Variants in CELF1 observed in about 807,000 individuals in gnomAD.
CELF1 encodes 50 kDa nuclear polyadenylated RNA-binding protein.
Under a neutral mutation model 61.8 loss-of-function variants are expected in CELF1, and 10 were observed. The observed-to-expected ratio is 0.16, with a 90% confidence interval of 0.10 to 0.27. CELF1 has a LOEUF of 0.27. CELF1 is among the 10% of genes least tolerant of loss of function. The pLI, the probability that CELF1 is intolerant of heterozygous loss-of-function variation, is 1.00. For synonymous variants in CELF1, 236 were observed against 225.1 expected, an observed-to-expected ratio of 1.05 and a Z score of -0.43; for missense variants, 380 against 639.1, an observed-to-expected ratio of 0.59 and a Z score of 4.37.
chr11:47,519,182 T>C (rs1484431250), intron 1 of CELF1, among the ~76,000 whole-genome samples: 3 of 152,088 alleles, frequency 2.0e-5, no homozygotes, highest in African/African-American at 7.2e-5. Context: ...TCTATTCTAT[T>C]CTATTATCAC....
At position 47,500,925 on chromosome 11, in the gene CELF1, T is replaced by C; in HGVS notation, c.-146A>G. The stretch of plus-strand genomic sequence containing the variant: ...AGGGAACTTTGAAAAAAAGAAGTTA[T>C]GTTCAGCCTGCAAAGAAGTAAAACG... On this transcript the variant is annotated 5_prime_UTR_variant, in exon 2 of 15. Transcript: ENST00000687097. 1 of 398,196 alleles carries C rather than the reference T, an allele frequency of 2.5e-6. No individual in the cohort carries two copies. The allele number at this position is 398,196 out of a possible 1,614,324, so 24.7% of individuals were successfully genotyped here.
At chr11:47,509,872 CA>C (rs2094924770) in intron 1 of CELF1, among the ~76,000 whole-genome samples, 1 of 124,374 alleles carries the variant, frequency 8.0e-6, no homozygotes. Flanking sequence ...ACTAAAAACA[CA>C]AAAATTAGCT....
chr11:47,518,008 T>A (rs1014333261), intron 1 of CELF1, among the ~76,000 whole-genome samples: 3 of 151,998 alleles, frequency 2.0e-5, no homozygotes, highest in African/African-American at 4.8e-5. Context: ...AGACACCGTA[T>A]CCCCTTGTCC....
At chr11:47,519,223 T>C (rs1186375478) in intron 1 of CELF1, among the ~76,000 whole-genome samples, 2 of 152,202 alleles carry the variant, frequency 1.3e-5, no homozygotes, top group Non-Finnish European at 2.9e-5. Context: ...GGCTGGCCTG[T>C]AATCCCAGCA....
At chr11:47,473,324 G>A in intron 13 of CELF1, 93 bp from the exon 14 acceptor site, 1 of 1,183,212 alleles carries the variant, frequency 8.5e-7, no homozygotes, top group Non-Finnish European at 1.2e-6. Flanking sequence ...TGTTAAAACT[G>A]TCACAATCCC....
At chr11:47,537,074 C>T (rs1826479601) in intron 1 of CELF1, among the ~76,000 whole-genome samples, 1 of 152,022 alleles carries the variant, frequency 6.6e-6, no homozygotes, top group Admixed American at 6.6e-5. Flanking sequence ...TGTCTTGGCC[C>T]AGAAAGGCAA....
intron 9 of CELF1, among the ~76,000 whole-genome samples, chr11:47,480,846 C>T (rs186575236): frequency 1.3e-5 from 2 of 152,190 alleles, no homozygotes; most frequent in East Asian, 3.9e-4. Flanking sequence ...ACCAGCCTGG[C>T]TCACATAAGC....
At chr11:47,478,210 A>G (rs2081136132) in intron 10 of CELF1, among the ~76,000 whole-genome samples, 1 of 152,272 alleles carries the variant, frequency 6.6e-6, no homozygotes, top group African/African-American at 2.4e-5. Flanking sequence ...AAAAATTTTC[A>G]AAGAGCAAAA....
chr11:47,479,329 C>T (rs1310775436), intron 9 of CELF1, among the ~76,000 whole-genome samples: 1 of 152,210 alleles, frequency 6.6e-6, no homozygotes, highest in Non-Finnish European at 1.5e-5. Flanking sequence ...TACCCTCTCC[C>T]AAGTTCTCCT....
chr11:47,532,836 T>G (rs1257078392), intron 1 of CELF1, among the ~76,000 whole-genome samples: 1 of 152,222 alleles, frequency 6.6e-6, no homozygotes, highest in African/African-American at 2.4e-5. Flanking sequence ...TTAGGCAGCT[T>G]TTTAAAGCTT....
intron 5 of CELF1, 61 bp downstream of exon 5, chr11:47,487,098 G>GT: frequency 1.0e-5 from 13 of 1,293,842 alleles, no homozygotes; most frequent in Non-Finnish European, 1.4e-5. Flanking sequence ...TCTGATATGT[G>GT]TAAGTATATC....
At chr11:47,479,851 ATCCT>A (rs1186894585) in intron 9 of CELF1, among the ~76,000 whole-genome samples, 1 of 152,084 alleles carries the variant, frequency 6.6e-6, no homozygotes, top group Admixed American at 6.6e-5. Context: ...GTCGCCGCAA[ATCCT>A]TCCAGGCTAG....
chr11:47,496,569 A>T (rs2093136345), intron 3 of CELF1, among the ~76,000 whole-genome samples: 1 of 152,142 alleles, frequency 6.6e-6, no homozygotes, highest in Non-Finnish European at 1.5e-5. Flanking sequence ...GGCTAATATG[A>T]TTTTACTTTA....
chr11:47,509,547 T>C (rs1597390812), intron 1 of CELF1, among the ~76,000 whole-genome samples: 1 of 151,956 alleles, frequency 6.6e-6, no homozygotes, highest in Non-Finnish European at 1.5e-5. Context: ...CAGTGAGACC[T>C]TGTCTCCCCA....
chr11:47,526,739 CTTGATTA>C (rs1433271659), intron 1 of CELF1, among the ~76,000 whole-genome samples: 3 of 152,124 alleles, frequency 2.0e-5, no homozygotes, highest in Non-Finnish European at 2.9e-5. Flanking sequence ...CTATGAGATC[CTTGATTA>C]TAAAACACTG....
intron 3 of CELF1, among the ~76,000 whole-genome samples, chr11:47,496,645 G>A (rs1408032231): frequency 6.6e-6 from 1 of 152,170 alleles, no homozygotes; most frequent in African/African-American, 2.4e-5. Flanking sequence ...TAGAAAAAGT[G>A]CTACGTGGCA....
chr11:47,479,606 G>A (rs1596246439), intron 9 of CELF1, among the ~76,000 whole-genome samples: 3 of 152,130 alleles, frequency 2.0e-5, no homozygotes, highest in Admixed American at 6.5e-5. Flanking sequence ...TTCAGAGTAC[G>A]TTCTCCTTCA....
chr11:47,484,521 C>T lies in CELF1; in HGVS notation c.394G>A (p.Val132Met). The change falls in exon 7 of 15, where the codon GTG (valine) becomes ATG (methionine). Residue 132 changes from valine to methionine, a missense_variant and splice_region_variant. By Grantham distance (21) the Val-to-Met change is conservative. Coordinates refer to ENST00000687097, the MANE Select transcript of CELF1 (RefSeq NM_001376376.1). Reference protein sequence around the residue: ...KPADSEKNNAVEDRKLFIGMI... With the variant: ...KPADSEKNNAMEDRKLFIGMI... The stretch of plus-strand genomic sequence containing the variant: ...CCAATAAACAGCTTCCTGTCTTCCA[C>T]TGCTAAGAGAGTAAAACAGAAAAGA... 6.2e-7 allele frequency: 1 copy of T among 1,605,288 alleles called. No homozygotes were observed. The highest frequency in any genetic ancestry group is 8.5e-7 in the Non-Finnish European group (1 of 1,177,586).
At position 47,477,347 on chromosome 11, in the gene CELF1, G is replaced by GT. The variant is rs1269013205; in HGVS notation, c.922dup (p.Thr308AsnfsTer16). 6.2e-7 allele frequency: 1 copy of GT among 1,613,824 alleles called. No homozygotes were observed. The highest frequency in any genetic ancestry group is 8.5e-7 in the Non-Finnish European group (1 of 1,179,760). On this transcript the variant is annotated frameshift_variant, in exon 11 of 15. Coordinates refer to ENST00000687097, the MANE Select transcript of CELF1 (RefSeq NM_001376376.1). LOFTEE classifies it high-confidence loss of function. ...ACTGCTGGATGTAGTGAGAGCATTG[G>GT]TACCACTTGGTGTGTTCTGAGCTGC... is the stretch of plus-strand genomic sequence containing the variant.
Sources: gnomAD v4.1 joint callset for allele counts (sites outside exome capture counted in the v4.1 genomes callset) on GRCh38, gnomAD v4.1.1 for gene constraint, MANE v1.5 for transcripts, NCBI Gene and HGNC (gene_info 2026-07-23, HGNC 2026-07-21) for gene names.